Variants in PCDH11X observed in about 807,000 individuals in gnomAD.
PCDH11X encodes the protein protocadherin-11 X-linked.
Under a neutral mutation model 53.3 loss-of-function variants are expected in PCDH11X, and 18 were observed. The observed-to-expected ratio is 0.34, with a 90% CI of 0.23 to 0.50. The LOEUF is 0.50. PCDH11X is among the 20% of genes least tolerant of loss of function. The pLI is 0.98. For missense variants in PCDH11X, 570 were observed against 1,032.4 expected, an observed-to-expected ratio of 0.55 and a Z score of 6.14; for synonymous variants, 279 against 393.3, an observed-to-expected ratio of 0.71 and a Z score of 3.44.
chrX:91,792,602 T>C (rs912050225), intron 1 of PCDH11X, among the ~76,000 whole-genome samples: 14 of 111,187 alleles, frequency 1.3e-4, no homozygotes, highest in Admixed American at 3.8e-4. Context: ...AATAATATGA[T>C]AGGATCACAA....
At chrX:92,174,971 T>C (rs1426605102) in intron 6 of PCDH11X, among the ~76,000 whole-genome samples, 3 of 111,529 alleles carry the variant, frequency 2.7e-5, no homozygotes, top group Non-Finnish European at 5.6e-5. Context: ...AAAGCATATA[T>C]AATTTACAAT....
intron 6 of PCDH11X, among the ~76,000 whole-genome samples, chrX:91,886,138 G>A (rs773624601): frequency 1.8e-5 from 2 of 111,704 alleles, no homozygotes; most frequent in Admixed American, 9.6e-5. Context: ...TGACCTGGTC[G>A]CATCTTTAAT....
At chrX:92,071,871 C>T (rs2063707389) in intron 6 of PCDH11X, among the ~76,000 whole-genome samples, 1 of 112,093 alleles carries the variant, frequency 8.9e-6, no homozygotes, top group South Asian at 3.7e-4. Flanking sequence ...CTAGGTCATT[C>T]CTGAAGCCAG....
intron 6 of PCDH11X, among the ~76,000 whole-genome samples, chrX:92,174,794 C>T (rs1162954796): frequency 9.0e-6 from 1 of 111,305 alleles, no homozygotes; most frequent in Non-Finnish European, 1.9e-5. Context: ...AATGTTACTA[C>T]TTGATGTTAA....
At chrX:92,545,067 C>T (rs2074823202) in intron 10 of PCDH11X, among the ~76,000 whole-genome samples, 1 of 111,152 alleles carries the variant, frequency 9.0e-6, no homozygotes, top group Admixed American at 9.6e-5. Context: ...AGAGCTCCTG[C>T]TGTCCAAATG....
intron 6 of PCDH11X, among the ~76,000 whole-genome samples, chrX:92,106,477 A>C (rs1429149758): frequency 1.8e-5 from 2 of 111,831 alleles, no homozygotes; most frequent in East Asian, 5.6e-4. Context: ...GCAAAATTGG[A>C]AGTAACACAG....
chrX:92,032,605 A>G (rs896393005), intron 6 of PCDH11X, among the ~76,000 whole-genome samples: 3 of 110,765 alleles, frequency 2.7e-5, no homozygotes, highest in African/African-American at 9.9e-5. Context: ...TCAGTATGAT[A>G]CTCAATGTGG....
intron 5 of PCDH11X, among the ~76,000 whole-genome samples, chrX:91,863,538 T>C (rs1569417136): frequency 8.9e-6 from 1 of 112,054 alleles, no homozygotes; most frequent in Non-Finnish European, 1.9e-5. Flanking sequence ...TGGTTCTCAT[T>C]TTTTCATCCA....
chrX:91,791,106 G>A (rs1472758157), intron 1 of PCDH11X, among the ~76,000 whole-genome samples: 2 of 106,888 alleles, frequency 1.9e-5, no homozygotes, highest in South Asian at 8.7e-4. Context: ...GTTCTTGTAA[G>A]TGCTAAATGA....
At chrX:92,263,215 A>C in intron 8 of PCDH11X, 72 bp downstream of exon 8, 1 of 895,457 alleles carries the variant, frequency 1.1e-6, no homozygotes, top group Non-Finnish European at 1.6e-6. Flanking sequence ...TACAGTAGTT[A>C]GTCCATGGAG....
At chrX:92,104,856 G>T (rs1452107345) in intron 6 of PCDH11X, among the ~76,000 whole-genome samples, 1 of 110,334 alleles carries the variant, frequency 9.1e-6, no homozygotes, top group Non-Finnish European at 1.9e-5. Flanking sequence ...GGGGCACAGA[G>T]ATAAGAGGTT....
rs182933022 is a variant in PCDH11X, at chrX:92,487,117, A to T, written c.3367+18795A>T. ...GTCCAGGCTACAATGCAATGGCATG[A>T]TCTAGGCTCACTGCATCCTCCGCCT... is the stretch of plus-strand genomic sequence containing the variant. On this transcript the variant is annotated intron_variant, in intron 10 of 10. Transcript: ENST00000682573. Among the ~76,000 whole-genome samples, 335 of 83,801 alleles carry T rather than the reference A, an allele frequency of 4.0e-3. 7 individuals carry two copies. In the South Asian group the frequency reaches 0.051, roughly 13 times the overall value. 72.8% of individuals were successfully genotyped at this position (83,801 alleles called of 115,157 possible). A position where few individuals can be genotyped will look rare whatever the true frequency, so the allele number is the denominator to read the frequency against.
intron 10 of PCDH11X, among the ~76,000 whole-genome samples, chrX:92,605,034 C>A (rs1926641904): frequency 9.9e-6 from 1 of 100,772 alleles, no homozygotes; most frequent in African/African-American, 4.0e-5. Context: ...GGCAGTAGAT[C>A]AATAAAAAGA....
At chrX:92,401,901 A>G (rs900266167) in intron 9 of PCDH11X, among the ~76,000 whole-genome samples, 2 of 112,298 alleles carry the variant, frequency 1.8e-5, no homozygotes, top group African/African-American at 6.5e-5. Flanking sequence ...AAATGTAAAA[A>G]TGGCTTTAAA....
At chrX:92,221,290 C>T (rs866796008) in intron 7 of PCDH11X, among the ~76,000 whole-genome samples, 6,042 of 88,989 alleles carry the variant, frequency 0.068, 397 homozygotes, top group East Asian at 0.23. Context: ...CACACACACA[C>T]ACACACACAC....
At chrX:92,097,838 T>C (rs2064166762) in intron 6 of PCDH11X, among the ~76,000 whole-genome samples, 1 of 111,226 alleles carries the variant, frequency 9.0e-6, no homozygotes, top group Non-Finnish European at 1.9e-5. Flanking sequence ...TATTTACATA[T>C]AGTCTACACA....
intron 6 of PCDH11X, among the ~76,000 whole-genome samples, chrX:91,990,017 A>C (rs1483421309): frequency 9.1e-6 from 1 of 110,233 alleles, no homozygotes; most frequent in East Asian, 2.8e-4. Context: ...ATTTTTTTCA[A>C]TTTCTTTGAT....
intron 6 of PCDH11X, among the ~76,000 whole-genome samples, chrX:92,041,640 A>G (rs1204306044): frequency 8.9e-6 from 1 of 112,184 alleles, no homozygotes; most frequent in Non-Finnish European, 1.9e-5. Flanking sequence ...GCAGGTGCAA[A>G]AAAATTAATG....
intron 6 of PCDH11X, among the ~76,000 whole-genome samples, chrX:92,164,422 G>A (rs976388193): frequency 8.9e-6 from 1 of 112,117 alleles, no homozygotes; most frequent in Non-Finnish European, 1.9e-5. Context: ...GTCTTCTAAT[G>A]AGAAGTAATT....
Sources: gnomAD v4.1 joint callset for allele counts (sites outside exome capture counted in the v4.1 genomes callset) on GRCh38, gnomAD v4.1.1 for gene constraint, MANE v1.5 for transcripts, NCBI Gene and HGNC (gene_info 2026-07-23, HGNC 2026-07-21) for gene names.